The following TBC1D32 variants were observed in gnomAD, a reference collection of about 807,000 sequenced individuals.
TBC1D32 encodes the protein TBC1 domain family member 32.
A neutral mutation model predicts 170.3 loss-of-function variants in TBC1D32; 151 were observed. The observed-to-expected ratio is 0.89, with a 90% CI of 0.78 to 1.01. The LOEUF (loss-of-function observed/expected upper bound fraction) is 1.01, where lower values mean the gene tolerates loss of function less well. Among genes scored for constraint, TBC1D32 ranks in the 50% least tolerant of loss-of-function variants. TBC1D32 has a pLI of 0.00. For missense variants in TBC1D32, 1,464 were observed against 1,457.1 expected (o/e 1.00, Z -0.08); for synonymous variants, 498 against 488.0 (o/e 1.02, Z -0.27).
In TBC1D32 at chr6:121,299,342, T is replaced by A; in HGVS notation, c.1140+104A>T. The A allele has an allele frequency of 2.4e-6, 3 of 1,266,626 alleles. No homozygotes were observed. In the South Asian group the frequency reaches 4.3e-5, roughly 18 times the overall value. 78.5% of individuals were successfully genotyped at this position (1,266,626 alleles called of 1,614,324 possible). A position where few individuals can be genotyped will look rare whatever the true frequency, so the allele number is the denominator to read the frequency against. On this transcript the variant is annotated intron_variant, in intron 10 of 31. Coordinates refer to ENST00000398212, the MANE Select transcript of TBC1D32 (RefSeq NM_152730.6). ...ACATAAAAGGCGAATTGCTTCATTA[T>A]CCAATATTAATTATCACCACACAAC...
At chr6:121,179,628 A>G (rs1294713539) in intron 22 of TBC1D32, among the ~76,000 whole-genome samples, 1 of 152,154 alleles carries the variant, frequency 6.6e-6, no homozygotes, top group African/African-American at 2.4e-5. Context: ...AGAATGTTAA[A>G]TATTTTAAAG....
chr6:121,275,422 T>A (rs896484810), intron 15 of TBC1D32, among the ~76,000 whole-genome samples: 1 of 152,166 alleles, frequency 6.6e-6, no homozygotes, highest in Non-Finnish European at 1.5e-5. Context: ...ACAAATGATA[T>A]GGAAAGGAAC....
chr6:121,302,583 T>C (rs1245760894), intron 9 of TBC1D32, among the ~76,000 whole-genome samples: 2 of 152,154 alleles, frequency 1.3e-5, no homozygotes, highest in East Asian at 1.9e-4. Context: ...AAAGTATATA[T>C]AACATATCTA....
chr6:121,132,898 A>G (rs1273736), intron 24 of TBC1D32, among the ~76,000 whole-genome samples: 28,063 of 151,912 alleles, frequency 0.18, 3,497 homozygotes, highest in African/African-American at 0.33. Context: ...TCATATACAC[A>G]TATACATATG....
chr6:121,182,091 T>G (rs910350226), intron 22 of TBC1D32, among the ~76,000 whole-genome samples: 7 of 152,088 alleles, frequency 4.6e-5, no homozygotes, highest in African/African-American at 1.4e-4. Flanking sequence ...AATATATGAC[T>G]AGGTAGTAAA....
chr6:121,297,048 T>C (rs1805755609), intron 10 of TBC1D32, among the ~76,000 whole-genome samples: 1 of 152,080 alleles, frequency 6.6e-6, no homozygotes, highest in African/African-American at 2.4e-5. Flanking sequence ...TTCCCTTATA[T>C]TTTCTTAAAC....
chr6:121,324,615 G>A (rs968857151), intron 1 of TBC1D32, among the ~76,000 whole-genome samples: 8 of 152,048 alleles, frequency 5.3e-5, no homozygotes, highest in African/African-American at 1.2e-4. Flanking sequence ...AATAGTCTGT[G>A]CTTCTTTTGG....
chr6:121,172,851 T>C (rs1317825469), intron 22 of TBC1D32, among the ~76,000 whole-genome samples: 4 of 152,160 alleles, frequency 2.6e-5, no homozygotes, highest in South Asian at 2.1e-4. Context: ...GGGTTGGGGA[T>C]TGGTGTGTTT....
At chr6:121,168,330 A>C (rs548686187) in intron 22 of TBC1D32, among the ~76,000 whole-genome samples, 8,016 of 140,880 alleles carry the variant, frequency 0.057, 433 homozygotes, top group Admixed American at 0.18. Context: ...CAACAATGAT[A>C]GACTGGATTA....
In TBC1D32 at chr6:121,118,252, T is replaced by A. The variant is rs528571345; in HGVS notation, c.2984-3011A>T. 5.9e-5 allele frequency among the ~76,000 whole-genome samples: 9 copies of A among 152,240 alleles called. No homozygotes were observed. The East Asian group carries it at 1.7e-3, about 29-fold the overall frequency. On this transcript the variant is annotated intron_variant, in intron 26 of 31. Coordinates refer to ENST00000398212, the MANE Select transcript of TBC1D32 (RefSeq NM_152730.6). ...TCAAGTAACACATAGAAGAGATAGC[T>A]CCCACTCCCTGAAGTCACTGTGAAA...
intron 20 of TBC1D32, 78 bp from the exon 21 acceptor site, chr6:121,223,430 C>G (rs942301472): frequency 1.0e-6 from 1 of 957,332 alleles, no homozygotes; most frequent in Non-Finnish European, 1.6e-6. Context: ...ATGTAGTTTC[C>G]TATCTGTATG....
intron 30 of TBC1D32, among the ~76,000 whole-genome samples, chr6:121,102,232 A>T (rs1025799210): frequency 5.9e-5 from 9 of 152,184 alleles, no homozygotes; most frequent in African/African-American, 1.9e-4. Flanking sequence ...GAATTGGATA[A>T]AACTACTTTA....
In TBC1D32 at chr6:121,080,665, T is replaced by C. The variant is rs1330994452; in HGVS notation, c.*106A>G. 13 of 1,359,810 alleles carry C rather than the reference T, an allele frequency of 9.6e-6. No individual in the cohort carries two copies. In the Admixed American group the frequency reaches 1.5e-4, roughly 15 times the overall value. The allele number at this position is 1,359,810 out of a possible 1,614,324, so 84.2% of individuals were successfully genotyped here. On this transcript the variant is annotated 3_prime_UTR_variant, in exon 32 of 32. Transcript: ENST00000398212. ...GTTATACTTCTCAGTATTTACAATA[T>C]GTATATTCACAAAGTAAATGTTGTT...
chr6:121,141,392 C>T (rs1290573059), intron 24 of TBC1D32, among the ~76,000 whole-genome samples: 1 of 152,200 alleles, frequency 6.6e-6, no homozygotes, highest in African/African-American at 2.4e-5. Context: ...GTGAAGTTTG[C>T]AAAGCACTTA....
At chr6:121,262,536 G>T (rs539086325) in intron 15 of TBC1D32, among the ~76,000 whole-genome samples, 1 of 151,820 alleles carries the variant, frequency 6.6e-6, no homozygotes, top group African/African-American at 2.4e-5. Flanking sequence ...GAATGCAGTG[G>T]CATGATCTCG....
At chr6:121,287,628 G>A (rs1804086159) in intron 12 of TBC1D32, among the ~76,000 whole-genome samples, 1 of 152,106 alleles carries the variant, frequency 6.6e-6, no homozygotes, top group African/African-American at 2.4e-5. Flanking sequence ...TCCAGGAATT[G>A]AACTCAGCTC....
intron 3 of TBC1D32, among the ~76,000 whole-genome samples, chr6:121,317,082 T>TA (rs1255109572): frequency 6.6e-6 from 1 of 152,164 alleles, no homozygotes; most frequent in East Asian, 1.9e-4. Flanking sequence ...CTTAATGTTT[T>TA]AAAACTAACA....
chr6:121,308,730 C>T lies in TBC1D32; in HGVS notation c.565-629G>A, dbSNP rs377123970. The stretch of plus-strand genomic sequence containing the variant: ...TTGAGACGGAGTCTCGCTCTGTCGC[C>T]CAGGCCAGACTGCGGACTGCAGTGG... On this transcript the variant is annotated intron_variant, in intron 4 of 31. Transcript: ENST00000398212. 1.6e-4 allele frequency among the ~76,000 whole-genome samples: 19 copies of T among 121,352 alleles called. No individual in the cohort carries two copies. The East Asian group carries it at 3.7e-3, about 23-fold the overall frequency. 79.6% of individuals were successfully genotyped at this position (121,352 alleles called of 152,430 possible).
rs553875362 is a variant in TBC1D32 at position 121,219,947 on chromosome 6, C to A, written c.2481+3289G>T. The stretch of plus-strand genomic sequence containing the variant: ...TTTAATTATTTTGGGGCACCATGAA[C>A]TGTATCCAGATAAGACAACAAACTT... On this transcript the variant is annotated intron_variant, in intron 21 of 31. Coordinates refer to ENST00000398212, the MANE Select transcript of TBC1D32 (RefSeq NM_152730.6). 3.3e-5 allele frequency among the ~76,000 whole-genome samples: 5 copies of A among 152,308 alleles called. No individual in the cohort carries two copies. The South Asian group carries it at 1.0e-3, about 32-fold the overall frequency.
Sources: allele counts gnomAD v4.1 joint callset (sites outside exome capture counted in the v4.1 genomes callset), GRCh38; gene constraint gnomAD v4.1.1; transcripts MANE v1.5; gene names NCBI Gene and HGNC (gene_info 2026-07-23, HGNC 2026-07-21).